PKIB: variants seen among roughly 807,000 people sequenced by gnomAD.
PKIB encodes PKI-beta.
PKIB carries 2 observed loss-of-function variants against 4.5 expected under a neutral mutation model. The ratio of observed to expected loss-of-function variants is 0.44; its 90% CI spans 0.18 to 1.39. The LOEUF (loss-of-function observed/expected upper bound fraction) is 1.39. PKIB is among the 40% of genes most tolerant of loss of function. The pLI is 0.27. For missense variants in PKIB, 94 were observed against 92.6 expected (o/e 1.02, Z -0.06); for synonymous variants, 38 against 36.0 (o/e 1.06, Z -0.20).
rs182709764 is a variant in PKIB at position 122,585,869 on chromosome 6, T to G, written c.-247-52T>G. On this transcript the variant is annotated intron_variant, in intron 2 of 6. Transcript: ENST00000392491. ...TACTTACGTGTTATGTTAATTATGCTGAACCTTTGTAAAATGTATGTATAA... is the reference window on the plus strand; with the variant it reads ...TACTTACGTGTTATGTTAATTATGCGGAACCTTTGTAAAATGTATGTATAA... The G allele has an allele frequency of 7.2e-5, 11 of 152,288 alleles. No homozygotes were observed. The East Asian group carries it at 1.9e-3, about 27-fold the overall frequency. The allele number at this position is 152,288 out of a possible 1,614,324, so 9.4% of individuals were successfully genotyped here. A position where few individuals can be genotyped will look rare whatever the true frequency, so the allele number is the denominator to read the frequency against.
At chr6:122,653,434 CAT>C (rs1036123272) in intron 2 of PKIB, among the ~76,000 whole-genome samples, 17 of 152,114 alleles carry the variant, frequency 1.1e-4, no homozygotes, top group African/African-American at 4.1e-4. Context: ...AGAGGAAAGA[CAT>C]AAATTGCTCC....
intron 3 of PKIB, among the ~76,000 whole-genome samples, chr6:122,601,098 T>C (rs1582727662): frequency 6.8e-6 from 1 of 147,296 alleles, no homozygotes; most frequent in Admixed American, 6.7e-5. Flanking sequence ...GGCATAGCAA[T>C]AGAACTATGA....
chr6:122,479,562 C>T lies in PKIB; in HGVS notation c.-248+1623C>T, dbSNP rs932651955. The T allele has an allele frequency of 2.6e-5, 4 of 152,286 alleles. No homozygotes were observed. In the East Asian group the frequency reaches 7.7e-4, roughly 29 times the overall value. 9.4% of individuals were successfully genotyped at this position (152,286 alleles called of 1,614,324 possible). On this transcript the variant is annotated intron_variant, in intron 2 of 6. Coordinates refer to the PKIB transcript ENST00000392491. ...ATGCATTTACTCATGGGTGCTTAGA[C>T]ATCAGAAGTCTCATTATTTTCTTTG...
intron 1 of PKIB, among the ~76,000 whole-genome samples, chr6:122,619,837 C>A (rs888464867): frequency 6.6e-6 from 1 of 152,008 alleles, no homozygotes; most frequent in Non-Finnish European, 1.5e-5. Context: ...CCCCCTTGAC[C>A]CAATGTCTCC....
intron 1 of PKIB, among the ~76,000 whole-genome samples, chr6:122,472,380 A>T (rs1261247190): frequency 6.6e-6 from 1 of 152,190 alleles, no homozygotes; most frequent in Admixed American, 6.5e-5. Flanking sequence ...TTCTTATGCT[A>T]TTAAGATGTT....
chr6:122,716,777 T>C (rs769116067), intron 3 of PKIB, among the ~76,000 whole-genome samples: 2 of 152,190 alleles, frequency 1.3e-5, no homozygotes, highest in Non-Finnish European at 2.9e-5. Flanking sequence ...TTCTGCCCTT[T>C]TTAGGTATCA....
In PKIB at chr6:122,560,338, T is replaced by C. The variant is rs567344402; in HGVS notation, c.-247-25583T>C. ...TGTTTTTAATTCTGTTTATGTGGTA[T>C]ATCACACTTATTGACTTGCATATGC... is the stretch of plus-strand genomic sequence containing the variant. On this transcript the variant is annotated intron_variant, in intron 2 of 6. Transcript: ENST00000392491. Among the ~76,000 whole-genome samples, 6 of 152,266 alleles carry C rather than the reference T, an allele frequency of 3.9e-5. No homozygotes were observed. In the South Asian group the frequency reaches 8.3e-4, roughly 21 times the overall value.
chr6:122,701,374 TG>T lies in PKIB; in HGVS notation c.-8-16412del. ...ACATGGTGATCAGAGAGCTCTAGCCTGAGCTCTGGTAAGCAGGAATGAAGTA... is the reference window on the plus strand; with the variant it reads ...ACATGGTGATCAGAGAGCTCTAGCCTAGCTCTGGTAAGCAGGAATGAAGTA... On this transcript the variant is annotated intron_variant, in intron 3 of 4. Transcript: ENST00000368452. 3.0e-6 allele frequency: 4 copies of T among 1,343,760 alleles called. No homozygotes were observed. In the South Asian group the frequency reaches 3.9e-5, roughly 13 times the overall value. The allele number at this position is 1,343,760 out of a possible 1,614,324, so 83.2% of individuals were successfully genotyped here. A position where few individuals can be genotyped will look rare whatever the true frequency, so the allele number is the denominator to read the frequency against.
chr6:122,502,302 C>T (rs1776264621), intron 2 of PKIB, among the ~76,000 whole-genome samples: 1 of 151,908 alleles, frequency 6.6e-6, no homozygotes, highest in South Asian at 2.1e-4. Flanking sequence ...TATAGCAATG[C>T]CTTACTTCTC....
chr6:122,584,143 T>C (rs1220851098), intron 2 of PKIB, among the ~76,000 whole-genome samples: 1 of 152,050 alleles, frequency 6.6e-6, no homozygotes, highest in Non-Finnish European at 1.5e-5. Flanking sequence ...AATTAAAACA[T>C]GCACAGTCTA....
chr6:122,566,421 T>G (rs1773195977), intron 2 of PKIB, among the ~76,000 whole-genome samples: 1 of 152,142 alleles, frequency 6.6e-6, no homozygotes, highest in African/African-American at 2.4e-5. Context: ...TAATAACAGG[T>G]GAGGTTTTAT....
At chr6:122,490,141 TAG>T (rs1362262348) in intron 2 of PKIB, among the ~76,000 whole-genome samples, 4 of 152,252 alleles carry the variant, frequency 2.6e-5, no homozygotes, top group Admixed American at 2.6e-4. Context: ...TGCTGATTTA[TAG>T]AGTCATTCAA....
chr6:122,717,741 A>AG (rs113084392), intron 3 of PKIB, 46 bp from the exon 4 acceptor site: 2 of 1,585,850 alleles, frequency 1.3e-6, no homozygotes, highest in Non-Finnish European at 1.7e-6. Flanking sequence ...GTGAACATTT[A>AG]CTTCTGAATA....
intron 2 of PKIB, among the ~76,000 whole-genome samples, chr6:122,521,433 C>T (rs951325361): frequency 9.2e-5 from 14 of 152,102 alleles, no homozygotes; most frequent in African/African-American, 3.4e-4. Flanking sequence ...GTAATCTTAG[C>T]ACTTTGGGAG....
intron 2 of PKIB, among the ~76,000 whole-genome samples, chr6:122,571,214 C>T (rs925221281): frequency 8.6e-5 from 13 of 151,870 alleles, no homozygotes; most frequent in Non-Finnish European, 1.2e-4. Flanking sequence ...AAAAAAGAAG[C>T]AAAAGAAATG....
At chr6:122,489,546 G>T (rs1345892482) in intron 2 of PKIB, among the ~76,000 whole-genome samples, 3 of 152,176 alleles carry the variant, frequency 2.0e-5, no homozygotes, top group African/African-American at 7.2e-5. Context: ...GGCCAAAACA[G>T]TAATTTAAAA....
At chr6:122,701,474 C>T in intron 3 of PKIB, 1 of 1,593,826 alleles carries the variant, frequency 6.3e-7, no homozygotes, top group Non-Finnish European at 8.5e-7. Flanking sequence ...CAAACACAGG[C>T]TGAACCTGAC....
chr6:122,623,576 A>G (rs1250906761), intron 1 of PKIB, among the ~76,000 whole-genome samples: 1 of 152,136 alleles, frequency 6.6e-6, no homozygotes, highest in African/African-American at 2.4e-5. Flanking sequence ...GTGAGGAGGC[A>G]TGGCTCTGTT....
chr6:122,634,867 G>A lies in PKIB; in HGVS notation c.-76+1500G>A, dbSNP rs578115971. Among the ~76,000 whole-genome samples the A allele has an allele frequency of 8.6e-5, 13 of 151,292 alleles. No individual in the cohort carries two copies. In the South Asian group the frequency reaches 2.3e-3, roughly 27 times the overall value. ...TGAGGAAGGAGAATGGTGTGAACCC[G>A]GGAGGCGGAGCTTGCAGTGAGCCGA... is the stretch of plus-strand genomic sequence containing the variant. On this transcript the variant is annotated intron_variant, in intron 2 of 4. Coordinates refer to ENST00000368452, the MANE Select transcript of PKIB (RefSeq NM_181795.3).
Sources: allele counts gnomAD v4.1 joint callset (sites outside exome capture counted in the v4.1 genomes callset), GRCh38; gene constraint gnomAD v4.1.1; transcripts MANE v1.5; gene names NCBI Gene and HGNC (gene_info 2026-07-23, HGNC 2026-07-21).